The following RABGAP1 variants were observed in gnomAD, a reference collection of about 807,000 sequenced individuals.
RABGAP1 encodes RAB GTPase activating protein 1.
RABGAP1 carries 23 observed loss-of-function variants against 137.6 expected under a neutral mutation model. The observed-to-expected ratio is 0.17, with a 90% CI of 0.12 to 0.24. The LOEUF (loss-of-function observed/expected upper bound fraction) is 0.24. Ranked by LOEUF, RABGAP1 falls within the 10% of genes least tolerant of loss-of-function variation. The pLI is 1.00. For missense variants in RABGAP1, 906 were observed against 1,275.8 expected (o/e 0.71, Z 4.42); for synonymous variants, 451 against 450.7 (o/e 1.00, Z -0.01).
At chr9:123,060,481 A>G (rs1277178604) in intron 13 of RABGAP1, among the ~76,000 whole-genome samples, 1 of 152,200 alleles carries the variant, frequency 6.6e-6, no homozygotes, top group African/African-American at 2.4e-5. Flanking sequence ...TGAGGTTTCT[A>G]GTTGGGCTAT....
At chr9:123,076,009 A>C (rs2034497032) in intron 17 of RABGAP1, among the ~76,000 whole-genome samples, 1 of 152,184 alleles carries the variant, frequency 6.6e-6, no homozygotes, top group African/African-American at 2.4e-5. Flanking sequence ...AGCATTTCTT[A>C]TTATTGAATA....
chr9:123,014,139 C>T (rs2131894020), intron 11 of RABGAP1, among the ~76,000 whole-genome samples: 1 of 152,322 alleles, frequency 6.6e-6, no homozygotes, highest in Middle Eastern at 3.4e-3. Context: ...AAGTTAAAAA[C>T]TCTCTGAGTG....
At chr9:123,023,110 A>G (rs2031745110) in intron 13 of RABGAP1, among the ~76,000 whole-genome samples, 1 of 152,090 alleles carries the variant, frequency 6.6e-6, no homozygotes, top group African/African-American at 2.4e-5. Context: ...TCTAGTCATA[A>G]ATACCCTTAC....
At chr9:122,955,194 G>A (rs13287601) in intron 1 of RABGAP1, among the ~76,000 whole-genome samples, 4,088 of 152,268 alleles carry the variant, frequency 0.027, 74 homozygotes, top group Non-Finnish European at 0.044. Context: ...TATTTCCTTA[G>A]CAAAGGTCTA....
At chr9:123,004,769 A>T (rs992985379) in intron 10 of RABGAP1, among the ~76,000 whole-genome samples, 5 of 152,154 alleles carry the variant, frequency 3.3e-5, no homozygotes, top group African/African-American at 1.2e-4. Flanking sequence ...AAAATCTAAA[A>T]AAGTCAGCCA....
intron 10 of RABGAP1, among the ~76,000 whole-genome samples, chr9:123,003,163 A>G (rs2029881849): frequency 6.6e-6 from 1 of 152,196 alleles, no homozygotes; most frequent in East Asian, 1.9e-4. Context: ...CATGGCATTA[A>G]AAAGTATTTG....
chr9:122,984,525 T>C lies in RABGAP1; in HGVS notation c.191T>C (p.Leu64Pro), dbSNP rs991638555. 1.2e-6 allele frequency: 2 copies of C among 1,614,038 alleles called. No individual in the cohort carries two copies. Among genetic ancestry groups the C allele is most frequent in the Non-Finnish European group, 1.7e-6 (2 of 1,180,018 alleles). ...NGSEQQLQKELADVLMDPPMD... is the reference protein window; with the variant it reads ...NGSEQQLQKEPADVLMDPPMD... Reference sequence around the variant, plus strand: ...AGTGAACAGCAGCTGCAAAAAGAGCTAGCAGATGTACTGATGGATCCTCCA... The same window carrying C: ...AGTGAACAGCAGCTGCAAAAAGAGCCAGCAGATGTACTGATGGATCCTCCA... The change falls in exon 3 of 26, where the codon CTA becomes CCA. Residue 64 changes from leucine (L) to proline (P), a missense_variant. Around this residue, in one of 9 missense-constraint regions of RABGAP1, gnomAD observed 331 missense variants for 358.3 expected, o/e 0.92. Transcript: ENST00000373647.
intron 12 of RABGAP1, among the ~76,000 whole-genome samples, chr9:123,018,783 G>C (rs1310413380): frequency 1.3e-5 from 2 of 152,178 alleles, no homozygotes; most frequent in Non-Finnish European, 2.9e-5. Flanking sequence ...TGAACATTTT[G>C]AGAAAAATCA....
At chr9:123,074,898 C>T (rs961160530) in intron 17 of RABGAP1, among the ~76,000 whole-genome samples, 1 of 152,098 alleles carries the variant, frequency 6.6e-6, no homozygotes, top group African/African-American at 2.4e-5. Flanking sequence ...GAAGTTCCAT[C>T]CAGTATTTCC....
chr9:122,985,458 A>G (rs536224811), intron 3 of RABGAP1, among the ~76,000 whole-genome samples: 2 of 152,174 alleles, frequency 1.3e-5, no homozygotes, highest in South Asian at 4.2e-4. Context: ...TTAAAATACA[A>G]AAAATTAGCC....
At chr9:123,029,636 C>G in intron 13 of RABGAP1, 1 of 723,678 alleles carries the variant, frequency 1.4e-6, no homozygotes. Context: ...TTGTCCCTAA[C>G]TTTGCCTTTG....
chr9:123,029,590 A>C, intron 13 of RABGAP1: 1 of 748,784 alleles, frequency 1.3e-6, no homozygotes, highest in Non-Finnish European at 2.5e-6. Context: ...AGAGTTTGTC[A>C]TATGTAGCTT....
intron 10 of RABGAP1, among the ~76,000 whole-genome samples, chr9:123,007,988 T>C (rs2030452949): frequency 6.7e-6 from 1 of 150,258 alleles, no homozygotes; most frequent in African/African-American, 2.4e-5. Flanking sequence ...TAATTTAATA[T>C]ATAAAAGTTT....
intron 13 of RABGAP1, among the ~76,000 whole-genome samples, chr9:123,025,532 A>C (rs2031901453): frequency 2.3e-5 from 1 of 43,822 alleles, no homozygotes; most frequent in African/African-American, 5.9e-5. Context: ...ATTTGTTCAG[A>C]TCTTTCTTTT....
chr9:122,974,272 A>G (rs1292997390), intron 2 of RABGAP1, among the ~76,000 whole-genome samples: 1 of 152,168 alleles, frequency 6.6e-6, no homozygotes, highest in Non-Finnish European at 1.5e-5. Flanking sequence ...TTGAGAAAAT[A>G]TTAAGAGTGC....
At chr9:123,046,936 A>G (rs2033232859) in intron 13 of RABGAP1, among the ~76,000 whole-genome samples, 1 of 152,236 alleles carries the variant, frequency 6.6e-6, no homozygotes, top group African/African-American at 2.4e-5. Flanking sequence ...AAACAGGGAA[A>G]GAGAGACCCA....
intron 25 of RABGAP1, among the ~76,000 whole-genome samples, chr9:123,102,386 T>C (rs1167349210): frequency 6.6e-6 from 1 of 152,126 alleles, no homozygotes; most frequent in Non-Finnish European, 1.5e-5. Flanking sequence ...AAGTTCAGGA[T>C]AAAAGCTTTA....
At chr9:122,962,019 A>ATATAAAAT (rs2131642424) in intron 2 of RABGAP1, among the ~76,000 whole-genome samples, 1 of 152,336 alleles carries the variant, frequency 6.6e-6, no homozygotes, top group African/African-American at 2.4e-5. Flanking sequence ...TTAAAGGTAT[A>ATATAAAAT]TATAAAATTA....
chr9:123,103,290 G>C lies in RABGAP1; in HGVS notation c.*77G>C. The C allele has an allele frequency of 6.3e-7, 1 of 1,582,522 alleles. No homozygotes were observed. The highest frequency in any genetic ancestry group is 8.6e-7 in the Non-Finnish European group (1 of 1,164,526). ...CTTCTTTGGCCAGATGTGTGATTCT[G>C]TGACTTGTCCCAGGACCAGAATGTA... On this transcript the variant is annotated 3_prime_UTR_variant, in exon 26 of 26. Coordinates refer to ENST00000373647, the MANE Select transcript of RABGAP1 (RefSeq NM_012197.4).
Sources: gnomAD v4.1 joint callset for allele counts (sites outside exome capture counted in the v4.1 genomes callset) on GRCh38, gnomAD v4.1.1 for gene constraint, gnomAD v4.1.1 regional missense constraint, MANE v1.5 for transcripts, NCBI Gene and HGNC (gene_info 2026-07-23, HGNC 2026-07-21) for gene names.